The following KIF1B variants were observed in gnomAD, a reference collection of about 807,000 sequenced individuals.
KIF1B encodes kinesin-like protein KIF1B.
Under a neutral mutation model 241.9 loss-of-function variants are expected in KIF1B, and 76 were observed. The observed-to-expected ratio is 0.31, with a 90% CI of 0.26 to 0.38. KIF1B has a LOEUF of 0.38. Ranked by LOEUF, KIF1B falls within the 10% of genes least tolerant of loss-of-function variation. The pLI is 1.00. For missense variants in KIF1B, 1,622 were observed against 2,271.4 expected, an observed-to-expected ratio of 0.71 and a Z score of 5.81; for synonymous variants, 750 against 796.7, an observed-to-expected ratio of 0.94 and a Z score of 0.99.
At chr1:10,304,759 A>G (rs1650742681) in intron 22 of KIF1B, 2 of 1,542,970 alleles carry the variant, frequency 1.3e-6, no homozygotes, top group African/African-American at 2.7e-5. Context: ...CATTATAAAT[A>G]TTAACTGGTT....
chr1:10,347,662 A>G lies in KIF1B; in HGVS notation c.3798-99A>G. On this transcript the variant is annotated intron_variant, in intron 35 of 48. Coordinates refer to ENST00000676179, the MANE Select transcript of KIF1B (RefSeq NM_001365951.3). Reference sequence around the variant, plus strand: ...GATTAAATGCCAGCATGGGTGAGAAAGACATGGGATCAGAATTTATCAAAA... The same window carrying G: ...GATTAAATGCCAGCATGGGTGAGAAGGACATGGGATCAGAATTTATCAAAA... The G allele has an allele frequency of 3.1e-6, 3 of 952,862 alleles. No homozygotes were observed. In the East Asian group the frequency reaches 7.4e-5, roughly 24 times the overall value. 59.0% of individuals were successfully genotyped at this position (952,862 alleles called of 1,614,324 possible).
At position 10,323,953 on chromosome 1, in the gene KIF1B, G is replaced by A; in HGVS notation, c.2428G>A (p.Glu810Lys). The change falls in exon 25 of 49, where the codon GAG (glutamate) becomes AAG (lysine). Residue 810 changes from glutamate to lysine, a missense_variant. Glu to Lys is a moderately conservative substitution (Grantham distance 56, BLOSUM62 1). Around this residue, in one of 7 missense-constraint regions of KIF1B, gnomAD observed 803 missense variants for 1,112.0 expected, o/e 0.72. Transcript: ENST00000676179. ...SPLPPELLPT[E>K]MEKTHEDRPF... ...TTTGCCTCCTGAATTACTTCCCACT[G>A]AGATGGAAAAAACTCATGAGGACAG... 1 of 1,614,126 alleles carries A rather than the reference G, an allele frequency of 6.2e-7. No homozygotes were observed. Among genetic ancestry groups the A allele is most frequent in the Non-Finnish European group, 8.5e-7 (1 of 1,179,974 alleles).
At chr1:10,324,268 G>A (rs1466345778) in intron 25 of KIF1B, among the ~76,000 whole-genome samples, 1 of 152,074 alleles carries the variant, frequency 6.6e-6, no homozygotes, top group East Asian at 1.9e-4. Flanking sequence ...TCTGACATTT[G>A]TAGATATTTA....
At chr1:10,256,550 A>G (rs1176689392) in intron 3 of KIF1B, among the ~76,000 whole-genome samples, 1 of 152,146 alleles carries the variant, frequency 6.6e-6, no homozygotes, top group African/African-American at 2.4e-5. Context: ...ATATACATAC[A>G]GAACATATTT....
chr1:10,368,406 C>T (rs1044994895), intron 43 of KIF1B, 61 bp from the exon 44 acceptor site: 2 of 1,458,300 alleles, frequency 1.4e-6, no homozygotes, highest in African/African-American at 1.4e-5. Context: ...GGTCAGCTAT[C>T]CCAAGGCTCC....
chr1:10,337,230 G>A lies in KIF1B; in HGVS notation c.3259+27G>A. On this transcript the variant is annotated intron_variant, in intron 30 of 48. Coordinates refer to ENST00000676179, the MANE Select transcript of KIF1B (RefSeq NM_001365951.3). This position sits in a 1 kb window ranked among gnomAD's most constrained non-coding sequence, Gnocchi z 4.0. ...TATGTAGACATAGTTTACTGTGCTTGGGGACATTTTCGACAAAGGGAAAAT... is the reference window on the plus strand; with the variant it reads ...TATGTAGACATAGTTTACTGTGCTTAGGGACATTTTCGACAAAGGGAAAAT... The A allele has an allele frequency of 6.2e-7, 1 of 1,614,054 alleles. No individual in the cohort carries two copies. The highest frequency in any genetic ancestry group is 1.6e-4 in the Middle Eastern group (1 of 6,062).
chr1:10,260,694 G>A lies in KIF1B; in HGVS notation c.364-1211G>A, dbSNP rs556183544. Among the ~76,000 whole-genome samples the A allele has an allele frequency of 1.5e-4, 23 of 151,762 alleles. No individual in the cohort carries two copies. The South Asian group carries it at 4.2e-3, about 27-fold the overall frequency. ...AGCCTGACCAACATGGTGAAACCCC[G>A]TGTCTACTAAAAATACAAAAAAATG... On this transcript the variant is annotated intron_variant, in intron 4 of 48. Coordinates refer to ENST00000676179, the MANE Select transcript of KIF1B (RefSeq NM_001365951.3).
At chr1:10,316,109 T>G (rs186245063) in intron 22 of KIF1B, among the ~76,000 whole-genome samples, 26 of 150,178 alleles carry the variant, frequency 1.7e-4, no homozygotes, top group Non-Finnish European at 3.7e-4. Flanking sequence ...GGCTCACTCT[T>G]GTAGTCCCAG....
intron 1 of KIF1B, among the ~76,000 whole-genome samples, chr1:10,215,767 GGT>G (rs1272828301): frequency 6.6e-6 from 1 of 151,720 alleles, no homozygotes; most frequent in African/African-American, 2.4e-5. Flanking sequence ...TGCCCAGCCT[GGT>G]CTTGAACTCC....
intron 3 of KIF1B, among the ~76,000 whole-genome samples, chr1:10,257,370 A>T (rs1388051385): frequency 6.8e-6 from 1 of 146,744 alleles, no homozygotes; most frequent in Non-Finnish European, 1.5e-5. Flanking sequence ...GCTACTTGGG[A>T]GGCTGAGGCA....
chr1:10,276,089 G>A (rs543499296), intron 11 of KIF1B, among the ~76,000 whole-genome samples: 12 of 151,876 alleles, frequency 7.9e-5, no homozygotes, highest in East Asian at 3.9e-4. Flanking sequence ...TGTACTTTTA[G>A]TAGAGACAGG....
chr1:10,296,894 T>C lies in KIF1B; in HGVS notation c.1862-3T>C. ...TTAACCCTATTTTTCTGTTTTGTGC[T>C]AGGAAACCGTATCATCATGGGTAAA... On this transcript the variant is annotated splice_region_variant and splice_polypyrimidine_tract_variant and intron_variant, in intron 20 of 48. Coordinates refer to ENST00000676179, the MANE Select transcript of KIF1B (RefSeq NM_001365951.3). The C allele has an allele frequency of 6.2e-7, 1 of 1,613,784 alleles. No individual in the cohort carries two copies. The highest frequency in any genetic ancestry group is 8.5e-7 in the Non-Finnish European group (1 of 1,179,770).
chr1:10,256,414 A>T, intron 3 of KIF1B, 91 bp downstream of exon 3: 2 of 877,524 alleles, frequency 2.3e-6, no homozygotes. Flanking sequence ...AGCAGATCCA[A>T]GTTTTGCTTC....
At chr1:10,351,319 A>G (rs368511640) in intron 37 of KIF1B, among the ~76,000 whole-genome samples, 1 of 152,190 alleles carries the variant, frequency 6.6e-6, no homozygotes, top group African/African-American at 2.4e-5. Context: ...CAGAGGCAGC[A>G]GTTACTATGG....
Position 10,379,793 on chromosome 1 carries a change from C to T in KIF1B, c.*3206C>T. On this transcript the variant is annotated 3_prime_UTR_variant, in exon 49 of 49. Transcript: ENST00000676179. ...AGCCCCAAATCAGTGCTCAGACCCT[C>T]TCTGTGTCTGTGTGCCCTCCTGGGA... 4.3e-6 allele frequency: 1 copy of T among 230,736 alleles called. No individual in the cohort carries two copies. The highest frequency in any genetic ancestry group is 8.6e-6 in the Non-Finnish European group (1 of 116,492). 14.3% of individuals were successfully genotyped at this position (230,736 alleles called of 1,614,324 possible).
intron 22 of KIF1B, among the ~76,000 whole-genome samples, chr1:10,314,242 C>T (rs924852229): frequency 2.0e-5 from 3 of 151,354 alleles, no homozygotes; most frequent in South Asian, 2.1e-4. Flanking sequence ...ATGAACAGAA[C>T]GATAGTATGT....
In KIF1B at chr1:10,339,763, A is replaced by G; in HGVS notation, c.3423-6A>G. On this transcript the variant is annotated splice_region_variant and splice_polypyrimidine_tract_variant and intron_variant, in intron 31 of 48. Transcript: ENST00000676179. ...GTTCACGAGTCTTTTTATTTTTTTT[A>G]TGAAGCTTTTTGCATCGCCATGATG... 6.2e-7 allele frequency: 1 copy of G among 1,612,620 alleles called. No homozygotes were observed. Among genetic ancestry groups the G allele is most frequent in the Non-Finnish European group, 8.5e-7 (1 of 1,179,240 alleles).
intron 43 of KIF1B, among the ~76,000 whole-genome samples, chr1:10,366,588 G>T (rs1176145680): frequency 2.0e-5 from 3 of 152,376 alleles, no homozygotes; most frequent in African/African-American, 7.2e-5. Context: ...AACAGGAGGT[G>T]TGGAGTGAAG....
chr1:10,355,969 C>A lies in KIF1B; in HGVS notation c.4055+3233C>A, dbSNP rs182064412. On this transcript the variant is annotated intron_variant, in intron 38 of 48. Transcript: ENST00000676179. ...TTTCTTCTTTTGGAATAGGAAAAAT[C>A]CTGGTTTGGTATTAAAGGAAGTTTT... 2.6e-5 allele frequency among the ~76,000 whole-genome samples: 4 copies of A among 152,112 alleles called. No homozygotes were observed. In the East Asian group the frequency reaches 7.7e-4, roughly 29 times the overall value.
Sources: gnomAD v4.1 joint callset for allele counts (sites outside exome capture counted in the v4.1 genomes callset) on GRCh38, gnomAD v4.1.1 for gene constraint, gnomAD v4.1.1 regional missense constraint, Gnocchi (gnomAD v3.1) non-coding constraint, MANE v1.5 for transcripts, NCBI Gene and HGNC (gene_info 2026-07-23, HGNC 2026-07-21) for gene names.